DCDC1: variants seen among roughly 807,000 people sequenced by gnomAD.
The protein encoded by DCDC1 is doublecortin domain-containing protein 1.
DCDC1 carries 200 observed loss-of-function variants against 178.3 expected under a neutral mutation model. The observed-to-expected ratio is 1.12, with a 90% confidence interval of 1.00 to 1.26. The LOEUF is 1.26. DCDC1 is among the 50% of genes most tolerant of loss of function. The pLI, the probability that DCDC1 is intolerant of heterozygous loss-of-function variation, is 0.00. For synonymous variants in DCDC1, 690 were observed against 604.8 expected (o/e 1.14, Z -2.07); for missense variants, 1,983 against 1,749.2 (o/e 1.13, Z -2.38).
chr11:31,149,244 T>C (rs906427201), intron 9 of DCDC1, among the ~76,000 whole-genome samples: 1 of 152,092 alleles, frequency 6.6e-6, no homozygotes. Flanking sequence ...CCAGTAGTAG[T>C]GAGAGGTGAA....
chr11:31,352,760 G>C (rs933255639), intron 1 of DCDC1, among the ~76,000 whole-genome samples: 2 of 152,104 alleles, frequency 1.3e-5, no homozygotes, highest in Admixed American at 1.3e-4. Flanking sequence ...CTCAGAATCT[G>C]AGATGACCCA....
intron 9 of DCDC1, among the ~76,000 whole-genome samples, chr11:31,193,754 C>A (rs1970380075): frequency 1.3e-5 from 2 of 152,106 alleles, no homozygotes; most frequent in South Asian, 4.1e-4. Flanking sequence ...CTTTGGAGAA[C>A]AAACTAAGAG....
At chr11:31,254,510 A>G (rs1944283996) in intron 8 of DCDC1, among the ~76,000 whole-genome samples, 2 of 152,370 alleles carry the variant, frequency 1.3e-5, no homozygotes, top group South Asian at 4.1e-4. Context: ...AATAACAATT[A>G]TGTGATAACA....
chr11:31,216,327 T>C (rs1201767119), intron 9 of DCDC1, among the ~76,000 whole-genome samples: 1 of 152,088 alleles, frequency 6.6e-6, no homozygotes, highest in Non-Finnish European at 1.5e-5. Context: ...AATACATACA[T>C]ACAAAAACTT....
intron 20 of DCDC1, among the ~76,000 whole-genome samples, chr11:30,978,645 C>T (rs1334403622): frequency 6.6e-6 from 1 of 152,030 alleles, no homozygotes; most frequent in Admixed American, 6.6e-5. Context: ...TTCCTTTTAG[C>T]TGTTTTGAAA....
intron 38 of DCDC1, among the ~76,000 whole-genome samples, chr11:30,872,595 T>C (rs544981945): frequency 2.0e-5 from 3 of 152,282 alleles, no homozygotes; most frequent in Admixed American, 2.0e-4. Flanking sequence ...CTTTGGTAGC[T>C]TGAGCATGCC....
chr11:31,097,360 A>G (rs546327426), intron 15 of DCDC1, among the ~76,000 whole-genome samples: 2 of 152,356 alleles, frequency 1.3e-5, no homozygotes, highest in East Asian at 1.9e-4. Context: ...AAGTTCATAG[A>G]GCACAACCCT....
In DCDC1 at chr11:31,063,557, T is replaced by A. The variant is rs148857408; in HGVS notation, c.2591+912A>T. On this transcript the variant is annotated intron_variant, in intron 20 of 38. Coordinates refer to ENST00000684477, the MANE Select transcript of DCDC1 (RefSeq NM_001387274.1). Reference sequence around the variant, plus strand: ...AGTTTTTTGTCTCTTTTCATGCAAGTGACATTTCTATCTACAGTCCATGTA... The same window carrying A: ...AGTTTTTTGTCTCTTTTCATGCAAGAGACATTTCTATCTACAGTCCATGTA... Among the ~76,000 whole-genome samples the A allele has an allele frequency of 3.0e-3, 454 of 152,220 alleles. 3 individuals carry two copies. The highest frequency in any genetic ancestry group is 0.01 in the African/African-American group (426 of 41,544).
At chr11:31,089,629 A>G (rs1489379519) in intron 17 of DCDC1, among the ~76,000 whole-genome samples, 5 of 143,850 alleles carry the variant, frequency 3.5e-5, no homozygotes, top group Non-Finnish European at 7.6e-5. Flanking sequence ...TTTTTTTTGA[A>G]GTATTTGTTT....
At chr11:31,214,895 A>T (rs1973343366) in intron 9 of DCDC1, among the ~76,000 whole-genome samples, 1 of 151,896 alleles carries the variant, frequency 6.6e-6, no homozygotes, top group Non-Finnish European at 1.5e-5. Context: ...ATAAATTACT[A>T]TAAAAACTTC....
intron 20 of DCDC1, among the ~76,000 whole-genome samples, chr11:31,049,810 G>A (rs971683907): frequency 6.6e-5 from 10 of 152,140 alleles, no homozygotes; most frequent in Admixed American, 5.2e-4. Context: ...TTAGAGAGCC[G>A]AGTGAAATAC....
intron 18 of DCDC1, among the ~76,000 whole-genome samples, chr11:31,077,177 G>C (rs1262542932): frequency 6.6e-6 from 1 of 152,132 alleles, no homozygotes; most frequent in East Asian, 1.9e-4. Context: ...TAGAAATATA[G>C]ACAGTAAAGC....
chr11:30,981,027 T>C (rs557309210), intron 20 of DCDC1, among the ~76,000 whole-genome samples: 2 of 152,314 alleles, frequency 1.3e-5, no homozygotes, highest in Middle Eastern at 3.4e-3. Flanking sequence ...AATAAAATTA[T>C]GTCTTTTGCA....
rs753007745 is a variant in DCDC1, at chr11:30,892,808, C to T, written c.5082+10G>A. 2.5e-6 allele frequency: 4 copies of T among 1,613,644 alleles called. No individual in the cohort carries two copies. Among genetic ancestry groups the T allele is most frequent in the Admixed American group, 1.7e-5 (1 of 59,970 alleles). On this transcript the variant is annotated intron_variant, in intron 36 of 38. Coordinates refer to ENST00000684477, the MANE Select transcript of DCDC1 (RefSeq NM_001387274.1). ...AGGCCTATGAAACACTCCTTTCACACTAGATTTACCTCTGAAATAGTTTTG... is the reference window on the plus strand; with the variant it reads ...AGGCCTATGAAACACTCCTTTCACATTAGATTTACCTCTGAAATAGTTTTG...
In DCDC1 at chr11:31,227,101, G is replaced by A. The variant is rs193286237; in HGVS notation, c.1221+14349C>T. Reference sequence around the variant, plus strand: ...ACATACACTCATGCATACAAAGCAAGCCAAAAAGATATAGCTAATAAGCTT... The same window carrying A: ...ACATACACTCATGCATACAAAGCAAACCAAAAAGATATAGCTAATAAGCTT... On this transcript the variant is annotated intron_variant, in intron 9 of 38. Coordinates refer to ENST00000684477, the MANE Select transcript of DCDC1 (RefSeq NM_001387274.1). Among the ~76,000 whole-genome samples the A allele has an allele frequency of 3.3e-5, 5 of 152,154 alleles. No individual in the cohort carries two copies. In the East Asian group the frequency reaches 5.8e-4, roughly 18 times the overall value.
rs80301621 is a variant in DCDC1, at chr11:31,200,836, T to C, written c.1221+40614A>G. On this transcript the variant is annotated intron_variant, in intron 9 of 38. Transcript: ENST00000684477. ...AGGTTTTGTTATTATCTTATAATGATATTTAATTATTTAAAATTTTGCATG... is the reference window on the plus strand; with the variant it reads ...AGGTTTTGTTATTATCTTATAATGACATTTAATTATTTAAAATTTTGCATG... Among the ~76,000 whole-genome samples, 1,254 of 152,146 alleles carry C rather than the reference T, an allele frequency of 8.2e-3. 22 individuals are homozygous for C. Among genetic ancestry groups the C allele is most frequent in the African/African-American group, 0.029 (1,201 of 41,546 alleles).
intron 18 of DCDC1, among the ~76,000 whole-genome samples, chr11:31,076,046 A>G (rs1364168462): frequency 6.6e-6 from 1 of 152,004 alleles, no homozygotes; most frequent in Non-Finnish European, 1.5e-5. Flanking sequence ...TTTAGTAGAG[A>G]CGGGGTTTCT....
chr11:31,121,498 C>T (rs1960799069), intron 11 of DCDC1, among the ~76,000 whole-genome samples: 1 of 149,442 alleles, frequency 6.7e-6, no homozygotes, highest in African/African-American at 2.5e-5. Context: ...CAATATGGAA[C>T]ACAGAAATAG....
chr11:31,014,661 T>C (rs552001525), intron 20 of DCDC1, among the ~76,000 whole-genome samples: 2 of 152,210 alleles, frequency 1.3e-5, no homozygotes, highest in South Asian at 2.1e-4. Flanking sequence ...CTAATTGATA[T>C]GATGCCAGCC....
Sources: allele counts gnomAD v4.1 joint callset (sites outside exome capture counted in the v4.1 genomes callset), GRCh38; gene constraint gnomAD v4.1.1; transcripts MANE v1.5; gene names NCBI Gene and HGNC (gene_info 2026-07-23, HGNC 2026-07-21).